Variants in CRTC3 observed in about 807,000 individuals in gnomAD.
CRTC3 encodes CREB-regulated transcription coactivator 3.
In CRTC3, 26 loss-of-function variants were observed where a neutral mutation model predicts 74.5. The observed-to-expected ratio is 0.35, with a 90% CI of 0.26 to 0.48. The LOEUF is 0.48. Among genes scored for constraint, CRTC3 ranks in the 20% least tolerant of loss-of-function variants. The pLI, the probability that CRTC3 is intolerant of heterozygous loss-of-function variation, is 0.99. For missense variants in CRTC3, 760 were observed against 787.3 expected (o/e 0.97, Z 0.41); for synonymous variants, 377 against 325.8 (o/e 1.16, Z -1.69).
chr15:90,565,029 G>C (rs1294488463), intron 2 of CRTC3, among the ~76,000 whole-genome samples: 2 of 152,098 alleles, frequency 1.3e-5, no homozygotes, highest in African/African-American at 4.8e-5. Flanking sequence ...CGCAACCTCT[G>C]CCTCCCGGGT....
At chr15:90,586,152 C>T (rs144477065) in intron 2 of CRTC3, among the ~76,000 whole-genome samples, 2 of 151,934 alleles carry the variant, frequency 1.3e-5, no homozygotes, top group Non-Finnish European at 2.9e-5. Context: ...TTCTTGATCA[C>T]GAGTCATCAT....
intron 9 of CRTC3, among the ~76,000 whole-genome samples, chr15:90,625,361 A>AAAT (rs111879658): frequency 0.022 from 3,372 of 152,338 alleles, 139 homozygotes; most frequent in African/African-American, 0.077. Flanking sequence ...GTAATTTTAA[A>AAAT]AATATATCTT....
chr15:90,636,409 A>C (rs1458062394), intron 11 of CRTC3, among the ~76,000 whole-genome samples: 2 of 148,846 alleles, frequency 1.3e-5, no homozygotes, highest in Admixed American at 6.7e-5. Flanking sequence ...AATTAATTCA[A>C]GATGGATTAA....
rs769888647 is a variant in CRTC3, at chr15:90,629,501, C to G, written c.1235C>G (p.Thr412Ser). The change falls in exon 11 of 15, where the codon ACC (threonine) becomes AGC (serine). Residue 412 changes from threonine to serine, a missense_variant. Around this residue, in one of 2 missense-constraint regions of CRTC3, gnomAD observed 652 missense variants for 635.2 expected, o/e 1.03. Coordinates refer to ENST00000268184, the MANE Select transcript of CRTC3 (RefSeq NM_022769.5). Reference sequence around the variant, plus strand: ...GGTTTCAGCAGACAGCTGTCTTCAACCAGCCCACTGGCCCCATATCCTACC... The same window carrying G: ...GGTTTCAGCAGACAGCTGTCTTCAAGCAGCCCACTGGCCCCATATCCTACC... Reference protein sequence around the residue: ...HQGFSRQLSSTSPLAPYPTSQ... With the variant: ...HQGFSRQLSSSSPLAPYPTSQ... 2 of 1,614,142 alleles carry G rather than the reference C, an allele frequency of 1.2e-6. No individual in the cohort carries two copies. The highest frequency in any genetic ancestry group is 2.2e-5 in the South Asian group (2 of 91,086).
rs899747543 is a variant in CRTC3 at position 90,530,980 on chromosome 15, G to C, written c.132+777G>C. On this transcript the variant is annotated intron_variant, in intron 1 of 14. Coordinates refer to ENST00000268184, the MANE Select transcript of CRTC3 (RefSeq NM_022769.5). The surrounding 1 kb of genome is among the most constrained non-coding windows in gnomAD (Gnocchi z 6.2). ...GTGTCCGCGCAGGGTTGCAGAGAAG[G>C]GGGGTCAGCAGGAGTGGGGCTGGCC... Among the ~76,000 whole-genome samples, 1 of 152,112 alleles carries C rather than the reference G, an allele frequency of 6.6e-6. No individual in the cohort carries two copies. The highest frequency in any genetic ancestry group is 1.5e-5 in the Non-Finnish European group (1 of 68,024).
At chr15:90,633,891 A>G (rs1969135118) in intron 11 of CRTC3, among the ~76,000 whole-genome samples, 1 of 150,010 alleles carries the variant, frequency 6.7e-6, no homozygotes, top group Non-Finnish European at 1.5e-5. Context: ...TTCTGCTCTC[A>G]TTTTTAAATT....
chr15:90,568,780 A>C (rs1967185260), intron 2 of CRTC3, among the ~76,000 whole-genome samples: 1 of 152,174 alleles, frequency 6.6e-6, no homozygotes, highest in Non-Finnish European at 1.5e-5. Flanking sequence ...AGCCACCCCA[A>C]CGTTCAGCAA....
chr15:90,557,615 G>A (rs1966921388), intron 2 of CRTC3, among the ~76,000 whole-genome samples: 2 of 152,050 alleles, frequency 1.3e-5, no homozygotes, highest in South Asian at 4.1e-4. Flanking sequence ...AGATCACCCT[G>A]GTAATATGGT....
In CRTC3 at chr15:90,634,117, AT is replaced by A. The variant is rs11417692; in HGVS notation, c.1267-4317del. On this transcript the variant is annotated intron_variant, in intron 11 of 14. Coordinates refer to ENST00000268184, the MANE Select transcript of CRTC3 (RefSeq NM_022769.5). ...ACCCATCATTTACCCTCAACAATTA[AT>A]TTTTTTTTTTTGAGACAGGGTCTTG... Among the ~76,000 whole-genome samples, 23 of 148,548 alleles carry A rather than the reference AT, an allele frequency of 1.5e-4. No homozygotes were observed. The East Asian group carries it at 1.8e-3, about 11-fold the overall frequency.
At chr15:90,624,175 C>G (rs56961537) in intron 9 of CRTC3, among the ~76,000 whole-genome samples, 1 of 151,908 alleles carries the variant, frequency 6.6e-6, no homozygotes, top group Non-Finnish European at 1.5e-5. Context: ...ATGAAGTGTC[C>G]TCAGGATTCG....
At chr15:90,565,113 G>T (rs1202045266) in intron 2 of CRTC3, among the ~76,000 whole-genome samples, 1 of 152,102 alleles carries the variant, frequency 6.6e-6, no homozygotes, top group Non-Finnish European at 1.5e-5. Flanking sequence ...GGCTAATTTT[G>T]TATTTTTAGT....
At chr15:90,576,913 G>C (rs1012355349) in intron 2 of CRTC3, among the ~76,000 whole-genome samples, 6 of 152,308 alleles carry the variant, frequency 3.9e-5, no homozygotes, top group African/African-American at 1.4e-4. Context: ...CTGTGAAGAG[G>C]AGAGACACCG....
intron 2 of CRTC3, among the ~76,000 whole-genome samples, chr15:90,569,909 A>G (rs1016572425): frequency 7.9e-5 from 12 of 152,236 alleles, no homozygotes; most frequent in Admixed American, 3.3e-4. Flanking sequence ...ATATCTGAAA[A>G]GAAAACCTGT....
chr15:90,623,889 C>T (rs1423037016), intron 9 of CRTC3, among the ~76,000 whole-genome samples: 2 of 152,214 alleles, frequency 1.3e-5, no homozygotes, highest in Non-Finnish European at 2.9e-5. Context: ...GGTCTCACAC[C>T]TCCCTGCTTT....
At chr15:90,617,119 C>A (rs1968513670) in intron 7 of CRTC3, among the ~76,000 whole-genome samples, 1 of 152,136 alleles carries the variant, frequency 6.6e-6, no homozygotes, top group Non-Finnish European at 1.5e-5. Flanking sequence ...AGAGTTGCTC[C>A]ACTCTTACCT....
chr15:90,564,608 T>C lies in CRTC3; in HGVS notation c.231+24471T>C, dbSNP rs895032765. Among the ~76,000 whole-genome samples, 17 of 152,164 alleles carry C rather than the reference T, an allele frequency of 1.1e-4. No homozygotes were observed. The East Asian group carries it at 2.1e-3, about 19-fold the overall frequency. ...TGTTCTTTTCTTGCTTCTCATCTGC[T>C]TTTACTACCAGTTCTGTCTTGCCCA... is the stretch of plus-strand genomic sequence containing the variant. On this transcript the variant is annotated intron_variant, in intron 2 of 14. Transcript: ENST00000268184.
chr15:90,568,295 A>G (rs892034435), intron 2 of CRTC3, among the ~76,000 whole-genome samples: 4 of 152,182 alleles, frequency 2.6e-5, no homozygotes, highest in African/African-American at 2.4e-5. Flanking sequence ...TAAAATGACA[A>G]AGGATTTTAA....
At chr15:90,560,258 C>T (rs558397163) in intron 2 of CRTC3, among the ~76,000 whole-genome samples, 4 of 152,276 alleles carry the variant, frequency 2.6e-5, no homozygotes, top group South Asian at 4.1e-4. Context: ...AGTCAGGACA[C>T]CTCTAAATCC....
intron 2 of CRTC3, among the ~76,000 whole-genome samples, chr15:90,543,971 A>G (rs931328548): frequency 6.6e-6 from 1 of 151,500 alleles, no homozygotes; most frequent in African/African-American, 2.4e-5. Context: ...TTTTTCTCTC[A>G]CTTAGCATTT....
Sources: allele counts gnomAD v4.1 joint callset (sites outside exome capture counted in the v4.1 genomes callset), GRCh38; gene constraint gnomAD v4.1.1; regional missense constraint gnomAD v4.1.1; non-coding constraint Gnocchi (gnomAD v3.1); transcripts MANE v1.5; gene names NCBI Gene and HGNC (gene_info 2026-07-23, HGNC 2026-07-21).